DRC11: variants seen among roughly 807,000 people sequenced by gnomAD.
DRC11 encodes the protein dynein regulatory complex subunit 11.
chr2:236,383,435 T>G, the DRC11 span, among the ~76,000 whole-genome samples: 1 of 152,168 alleles, frequency 6.6e-6, no homozygotes, highest in East Asian at 1.9e-4. Context: ...ATTCTCTATT[T>G]CATGGATTTC....
At chr2:236,380,624 TCTTTC>T in the DRC11 span, 4 of 1,550,552 alleles carry the variant, frequency 2.6e-6, no homozygotes, top group Non-Finnish European at 3.5e-6. The surrounding 1 kb of genome is among the most constrained non-coding windows in gnomAD (Gnocchi z 4.9). Flanking sequence ...TTTTTGCCTT[TCTTTC>T]CTTTCTTCTT....
chr2:236,335,137 G>T, the DRC11 span, among the ~76,000 whole-genome samples: 1 of 152,156 alleles, frequency 6.6e-6, no homozygotes, highest in Non-Finnish European at 1.5e-5. The surrounding 1 kb of genome is among the most constrained non-coding windows in gnomAD (Gnocchi z 5.6). Flanking sequence ...GGGGCCGCGG[G>T]GACTGCTGCA....
chr2:236,311,327 G>A, the DRC11 span, among the ~76,000 whole-genome samples: 1 of 152,202 alleles, frequency 6.6e-6, no homozygotes, highest in East Asian at 1.9e-4. This position sits in a 1 kb window ranked among gnomAD's most constrained non-coding sequence, Gnocchi z 6.9. Flanking sequence ...GAGGCAGCAG[G>A]CAGAGCTCAA....
At chr2:236,341,813 C>G in the DRC11 span, among the ~76,000 whole-genome samples, 3 of 152,336 alleles carry the variant, frequency 2.0e-5, no homozygotes, top group East Asian at 3.9e-4. Context: ...GACCCGAGAG[C>G]AGCTGTGCGC....
the DRC11 span, among the ~76,000 whole-genome samples, chr2:236,453,113 C>T: frequency 9.2e-5 from 14 of 152,206 alleles, no homozygotes; most frequent in Non-Finnish European, 5.9e-5. The surrounding 1 kb of genome is among the most constrained non-coding windows in gnomAD (Gnocchi z 4.9). Context: ...CCAGCAACCC[C>T]TCCTCATTGA....
chr2:236,337,252 G>A, the DRC11 span, among the ~76,000 whole-genome samples: 2 of 152,078 alleles, frequency 1.3e-5, no homozygotes, highest in African/African-American at 2.4e-5. The surrounding 1 kb of genome is among the most constrained non-coding windows in gnomAD (Gnocchi z 4.9). Context: ...GTGGAATAAC[G>A]TGCTGTTTGA....
chr2:236,365,265 A>G, the DRC11 span, among the ~76,000 whole-genome samples: 1 of 152,072 alleles, frequency 6.6e-6, no homozygotes, highest in African/African-American at 2.4e-5. This position sits in a 1 kb window ranked among gnomAD's most constrained non-coding sequence, Gnocchi z 7.4. Context: ...GGAGGCAAGC[A>G]GTGAGAAGGT....
the DRC11 span, among the ~76,000 whole-genome samples, chr2:236,459,015 A>T: frequency 6.6e-6 from 1 of 152,200 alleles, no homozygotes; most frequent in Non-Finnish European, 1.5e-5. Context: ...GTCGCACTCC[A>T]GCCTGGGCGA....
chr2:236,427,011 C>T, the DRC11 span, among the ~76,000 whole-genome samples: 1 of 152,266 alleles, frequency 6.6e-6, no homozygotes, highest in South Asian at 2.1e-4. The surrounding 1 kb of genome is among the most constrained non-coding windows in gnomAD (Gnocchi z 5.9). Context: ...TTGCCAAATA[C>T]TTTTTCTGCA....
the DRC11 span, among the ~76,000 whole-genome samples, chr2:236,354,634 T>G: frequency 6.6e-6 from 1 of 152,200 alleles, no homozygotes; most frequent in African/African-American, 2.4e-5. Context: ...CGAGTGTTTC[T>G]GGGTTGCCTA....
chr2:236,347,270 T>C, the DRC11 span, among the ~76,000 whole-genome samples: 1 of 152,152 alleles, frequency 6.6e-6, no homozygotes, highest in Non-Finnish European at 1.5e-5. Flanking sequence ...TTTACACTGC[T>C]GGTGGGAATG....
chr2:236,498,461 T>TA, the DRC11 span, among the ~76,000 whole-genome samples: 206 of 127,008 alleles, frequency 1.6e-3, no homozygotes, highest in South Asian at 7.0e-3. Context: ...GAGACTGTCT[T>TA]AAAAAAAAAA....
At chr2:236,376,595 T>A in the DRC11 span, among the ~76,000 whole-genome samples, 1 of 152,320 alleles carries the variant, frequency 6.6e-6, no homozygotes, top group South Asian at 2.1e-4. This position sits in a 1 kb window ranked among gnomAD's most constrained non-coding sequence, Gnocchi z 5.7. Flanking sequence ...TGTTTTCAGG[T>A]CATCATGGTG....
the DRC11 span, among the ~76,000 whole-genome samples, chr2:236,373,229 G>A: frequency 6.8e-6 from 1 of 147,726 alleles, no homozygotes; most frequent in South Asian, 2.2e-4. Context: ...GTTCTCACAC[G>A]TCTTCTATAA....
At chr2:236,445,960 C>T in the DRC11 span, among the ~76,000 whole-genome samples, 129 of 152,264 alleles carry the variant, frequency 8.5e-4, 2 homozygotes, top group Non-Finnish European at 1.6e-3. This position sits in a 1 kb window ranked among gnomAD's most constrained non-coding sequence, Gnocchi z 4.8. Context: ...CCCTGCTGTG[C>T]GATACTCCCA....
At chr2:236,358,953 T>G in the DRC11 span, among the ~76,000 whole-genome samples, 9 of 151,276 alleles carry the variant, frequency 5.9e-5, no homozygotes, top group African/African-American at 2.2e-4. Context: ...CCAGCGGGTC[T>G]GCTGGGAATA....
At chr2:236,437,555 C>T in the DRC11 span, among the ~76,000 whole-genome samples, 4 of 150,834 alleles carry the variant, frequency 2.7e-5, no homozygotes, top group Non-Finnish European at 5.9e-5. Context: ...TACAGTCCCA[C>T]CAACAGTGTA....
the DRC11 span, among the ~76,000 whole-genome samples, chr2:236,418,886 C>T: frequency 1.5e-4 from 23 of 152,262 alleles, no homozygotes; most frequent in African/African-American, 5.5e-4. Context: ...AAAGCTATCA[C>T]GTATGTGAAA....
chr2:236,358,050 GAT>G, the DRC11 span, among the ~76,000 whole-genome samples: 40 of 113,676 alleles, frequency 3.5e-4, no homozygotes, highest in East Asian at 8.0e-4. Flanking sequence ...ATAATATATA[GAT>G]ATATATTATA....
Sources: allele counts gnomAD v4.1 joint callset (sites outside exome capture counted in the v4.1 genomes callset), GRCh38; gene constraint gnomAD v4.1.1; non-coding constraint Gnocchi (gnomAD v3.1); transcripts MANE v1.5; gene names NCBI Gene and HGNC (gene_info 2026-07-23, HGNC 2026-07-21).